Variants in CLIP1 observed in about 807,000 individuals in gnomAD.
CLIP1 encodes CAP-Gly domain containing linker protein 1.
CLIP1 carries 66 observed loss-of-function variants against 161.6 expected under a neutral mutation model. That is an observed-to-expected ratio of 0.41 (90% confidence interval 0.33 to 0.50). The LOEUF is 0.50. Ranked by LOEUF, CLIP1 falls within the 20% of genes least tolerant of loss-of-function variation. The pLI is 0.27. For synonymous variants in CLIP1, 598 were observed against 626.2 expected, an observed-to-expected ratio of 0.96 and a Z score of 0.67; for missense variants, 1,376 against 1,702.0, an observed-to-expected ratio of 0.81 and a Z score of 3.37.
intron 21 of CLIP1, among the ~76,000 whole-genome samples, chr12:122,282,978 G>T (rs775890087): frequency 6.6e-6 from 1 of 152,146 alleles, no homozygotes; most frequent in Non-Finnish European, 1.5e-5. Context: ...GAAGTAGCAC[G>T]GGACCTCCTC....
At chr12:122,375,665 A>G (rs555850248) in intron 3 of CLIP1, among the ~76,000 whole-genome samples, 2 of 152,232 alleles carry the variant, frequency 1.3e-5, no homozygotes, top group East Asian at 3.9e-4. Flanking sequence ...TGAGTTTTCC[A>G]AGCCATTTAA....
At chr12:122,321,928 C>T (rs1448706473) in intron 17 of CLIP1, among the ~76,000 whole-genome samples, 2 of 152,166 alleles carry the variant, frequency 1.3e-5, no homozygotes, top group African/African-American at 4.8e-5. Flanking sequence ...GAGACTACTA[C>T]AGTGAGATAC....
rs143414818 is a variant in CLIP1, at chr12:122,389,530, C to T, written c.-106-8972G>A. On this transcript the variant is annotated intron_variant, in intron 1 of 25. Transcript: ENST00000620786. ...TCCCAGCACTTTGGGAGGCCAAAGC[C>T]GGCGGATCACTTGAGGTTAGGTGTT... Among the ~76,000 whole-genome samples, 78 of 152,004 alleles carry T rather than the reference C, an allele frequency of 5.1e-4. 1 individual carries two copies. Among genetic ancestry groups the T allele is most frequent in the Non-Finnish European group, 2.8e-4 (19 of 67,992 alleles).
intron 1 of CLIP1, among the ~76,000 whole-genome samples, chr12:122,384,346 A>C (rs1010194034): frequency 1.3e-4 from 20 of 152,184 alleles, no homozygotes; most frequent in Admixed American, 1.2e-3. Context: ...GCACAAATAC[A>C]AAACTGCCTG....
rs762418091 is a variant in CLIP1, at chr12:122,377,848, C to T, written c.198G>A (p.Val66=). ...GGATAAATCCAGGCTTATTTCCATT[C>T]ACCCAAACTCGCTCCCCAACTCGAA... ...DDFRVGERVW[V]NGNKPGFIQF... Residue 66 remains valine, a synonymous_variant, in exon 3 of 26, where the codon GTG becomes GTA. Coordinates refer to ENST00000620786, the MANE Select transcript of CLIP1 (RefSeq NM_001247997.2). 91 of 1,613,918 alleles carry T rather than the reference C, an allele frequency of 5.6e-5. No individual in the cohort carries two copies. Among genetic ancestry groups the T allele is most frequent in the Non-Finnish European group, 7.5e-5 (89 of 1,180,010 alleles).
intron 17 of CLIP1, chr12:122,322,140 C>G (rs1951528667): frequency 6.6e-6 from 1 of 152,572 alleles, no homozygotes; most frequent in Admixed American, 6.5e-5. Context: ...GTCTCGAGCT[C>G]TCTAATTTTA....
rs1955550114 is a variant in CLIP1, at chr12:122,279,211, T to C, written c.3648-66A>G. ...AAGACTGGTCAGTGTACAACTGTTC[T>C]AGAACAAACACATAATTAATGTTAG... On this transcript the variant is annotated intron_variant, in intron 21 of 25. Coordinates refer to ENST00000620786, the MANE Select transcript of CLIP1 (RefSeq NM_001247997.2). The surrounding 1 kb of genome is among the most constrained non-coding windows in gnomAD (Gnocchi z 4.5). 9.9e-7 allele frequency: 1 copy of C among 1,010,330 alleles called. No individual in the cohort carries two copies. Among genetic ancestry groups the C allele is most frequent in the South Asian group, 1.7e-5 (1 of 60,388 alleles). The allele number at this position is 1,010,330 out of a possible 1,614,324, so 62.6% of individuals were successfully genotyped here.
At chr12:122,390,321 A>T (rs755723341) in intron 1 of CLIP1, among the ~76,000 whole-genome samples, 2,354 of 121,022 alleles carry the variant, frequency 0.019, 37 homozygotes, top group Non-Finnish European at 0.029. Flanking sequence ...TATATATATT[A>T]TTTTTTTTTT....
chr12:122,346,098 T>G (rs1179607072), intron 10 of CLIP1, among the ~76,000 whole-genome samples: 3 of 152,152 alleles, frequency 2.0e-5, no homozygotes, highest in Non-Finnish European at 2.9e-5. Context: ...TTCTTAATCT[T>G]TACGCACAAA....
At chr12:122,277,846 A>G (rs75864512) in intron 24 of CLIP1, 40 of 253,090 alleles carry the variant, frequency 1.6e-4, no homozygotes, top group Middle Eastern at 1.3e-3. Flanking sequence ...AAAAAAAAAA[A>G]GGGAGGGAAG....
chr12:122,351,054 T>C lies in CLIP1; in HGVS notation c.1401+57A>G, dbSNP rs778737513. 8.5e-6 allele frequency: 11 copies of C among 1,292,344 alleles called. No individual in the cohort carries two copies. In the African/African-American group the frequency reaches 1.6e-4, roughly 19 times the overall value. The allele number at this position is 1,292,344 out of a possible 1,614,324, so 80.1% of individuals were successfully genotyped here. A position where few individuals can be genotyped will look rare whatever the true frequency, so the allele number is the denominator to read the frequency against. ...TTGAGTATATCAATAAGCATTTTAA[T>C]CTGTGATCAATCTTTGTTAACAAGG... On this transcript the variant is annotated intron_variant, in intron 9 of 25. Transcript: ENST00000620786.
chr12:122,390,451 A>C (rs1217187356), intron 1 of CLIP1, among the ~76,000 whole-genome samples: 1 of 151,098 alleles, frequency 6.6e-6, no homozygotes, highest in Non-Finnish European at 1.5e-5. Context: ...AGCTGGGACT[A>C]CAGGTATGCG....
intron 20 of CLIP1, among the ~76,000 whole-genome samples, chr12:122,298,979 A>G (rs1950573803): frequency 6.6e-6 from 1 of 152,146 alleles, no homozygotes; most frequent in African/African-American, 2.4e-5. Flanking sequence ...AATGATATCA[A>G]TGGTGTGGCT....
intron 1 of CLIP1, among the ~76,000 whole-genome samples, chr12:122,414,919 A>C (rs1306370985): frequency 6.6e-6 from 1 of 152,072 alleles, no homozygotes; most frequent in Admixed American, 6.6e-5. Context: ...TTAGCTGGGC[A>C]TGGTGGCGCA....
At chr12:122,420,664 G>A (rs1460353624) in intron 1 of CLIP1, among the ~76,000 whole-genome samples, 4 of 152,058 alleles carry the variant, frequency 2.6e-5, no homozygotes, top group Non-Finnish European at 4.4e-5. Flanking sequence ...GGCCAGGTGC[G>A]GTAGTTCACA....
At chr12:122,400,945 CTT>C (rs1226027336) in intron 1 of CLIP1, 5 of 140,114 alleles carry the variant, frequency 3.6e-5, no homozygotes, top group African/African-American at 7.8e-5. Flanking sequence ...GTGTTTCACT[CTT>C]GTCGCCCAGG....
In CLIP1 at chr12:122,341,435, G is replaced by A. The variant is rs776270243; in HGVS notation, c.1769C>T (p.Ala590Val). The A allele has an allele frequency of 1.2e-6, 2 of 1,613,858 alleles. No homozygotes were observed. The highest frequency in any genetic ancestry group is 2.7e-5 in the African/African-American group (2 of 74,892). Residue 590 changes from alanine to valine, a missense_variant, in exon 11 of 26, where the codon GCT becomes GTT. Around this residue, in one of 6 missense-constraint regions of CLIP1, gnomAD observed 948 missense variants for 1,134.8 expected, o/e 0.84. Transcript: ENST00000620786. ...AAGCTTTTCCGTGGCGGTATACAGA[G>A]CCTTTATCTCCTTCTGATGAGTTTC... Reference protein sequence around the residue: ...REETHQKEIKALYTATEKLSK... With the variant: ...REETHQKEIKVLYTATEKLSK...
chr12:122,288,429 A>T, intron 21 of CLIP1, 60 bp downstream of exon 21: 4 of 1,421,904 alleles, frequency 2.8e-6, no homozygotes, highest in Non-Finnish European at 3.9e-6. Flanking sequence ...GTTACCACAC[A>T]TATCATGTTC....
chr12:122,395,627 C>T (rs886222262), intron 1 of CLIP1: 2 of 152,168 alleles, frequency 1.3e-5, no homozygotes, highest in Non-Finnish European at 2.9e-5. Flanking sequence ...AGCATCTAAT[C>T]TCAGTTTTCT....
Sources: allele counts gnomAD v4.1 joint callset (sites outside exome capture counted in the v4.1 genomes callset), GRCh38; gene constraint gnomAD v4.1.1; regional missense constraint gnomAD v4.1.1; non-coding constraint Gnocchi (gnomAD v3.1); transcripts MANE v1.5; gene names NCBI Gene and HGNC (gene_info 2026-07-23, HGNC 2026-07-21).